CPQ: variants seen among roughly 807,000 people sequenced by gnomAD.
CPQ encodes Ser-Met dipeptidase.
A neutral mutation model predicts 45.7 loss-of-function variants in CPQ; 37 were observed. The ratio of observed to expected loss-of-function variants is 0.81; its 90% CI spans 0.62 to 1.07. CPQ has a LOEUF of 1.07. Ranked by LOEUF, CPQ falls within the 50% of genes least tolerant of loss-of-function variation. CPQ has a pLI of 0.00. For missense variants in CPQ, 537 were observed against 572.9 expected (o/e 0.94, Z 0.64); for synonymous variants, 186 against 205.8 (o/e 0.90, Z 0.82).
At chr8:96,779,162 T>A (rs1231497879) in intron 1 of CPQ, among the ~76,000 whole-genome samples, 2 of 152,148 alleles carry the variant, frequency 1.3e-5, no homozygotes, top group Non-Finnish European at 2.9e-5. Context: ...ACATATTTTT[T>A]AAATAGACTG....
chr8:97,042,353 G>C (rs1168402335), intron 6 of CPQ, among the ~76,000 whole-genome samples: 10 of 152,026 alleles, frequency 6.6e-5, no homozygotes, highest in Non-Finnish European at 1.5e-4. Context: ...ATTTTTTATT[G>C]TGTCTATTTG....
chr8:97,005,591 TC>T (rs2130431170), intron 5 of CPQ, among the ~76,000 whole-genome samples: 1 of 152,132 alleles, frequency 6.6e-6, no homozygotes, highest in Admixed American at 6.5e-5. Flanking sequence ...TGAATAGCCA[TC>T]AAAAACAACT....
intron 7 of CPQ, among the ~76,000 whole-genome samples, chr8:97,084,724 T>TTTAA (rs1390017237): frequency 6.6e-6 from 1 of 151,770 alleles, no homozygotes; most frequent in Non-Finnish European, 1.5e-5. Context: ...AACTAAGGAG[T>TTTAA]TTAATTTTGC....
chr8:97,130,739 G>A (rs1156597460), intron 7 of CPQ, among the ~76,000 whole-genome samples: 1 of 152,054 alleles, frequency 6.6e-6, no homozygotes, highest in East Asian at 1.9e-4. Context: ...TTTACTTTAA[G>A]TGAAATGTAT....
chr8:97,117,562 C>A (rs1219761122), intron 7 of CPQ, among the ~76,000 whole-genome samples: 1 of 151,990 alleles, frequency 6.6e-6, no homozygotes, highest in Admixed American at 6.6e-5. Flanking sequence ...GAGACAGGAT[C>A]TTGCCCTGTA....
At chr8:97,039,560 G>C (rs1481069277) in intron 6 of CPQ, among the ~76,000 whole-genome samples, 1 of 151,288 alleles carries the variant, frequency 6.6e-6, no homozygotes, top group Non-Finnish European at 1.5e-5. Context: ...GTACACATGT[G>C]CCATGCTGGT....
chr8:96,839,771 T>C (rs1811582621), intron 3 of CPQ, among the ~76,000 whole-genome samples: 2 of 152,104 alleles, frequency 1.3e-5, no homozygotes, highest in African/African-American at 2.4e-5. Context: ...TTATATTTAG[T>C]GCTAAGTGAA....
chr8:97,035,244 T>C (rs753038827), intron 6 of CPQ, among the ~76,000 whole-genome samples: 3 of 152,194 alleles, frequency 2.0e-5, no homozygotes, highest in Non-Finnish European at 2.9e-5. Flanking sequence ...CACAGTCTCT[T>C]TATTCTCCAG....
At chr8:96,741,992 C>T (rs1485985456) in intron 1 of CPQ, among the ~76,000 whole-genome samples, 92 of 143,822 alleles carry the variant, frequency 6.4e-4, no homozygotes, top group African/African-American at 2.1e-3. Context: ...CTATTAGGTC[C>T]GCTTGGTGCA....
chr8:97,048,051 G>A (rs185134129), intron 6 of CPQ, among the ~76,000 whole-genome samples: 14 of 152,226 alleles, frequency 9.2e-5, no homozygotes, highest in East Asian at 7.7e-4. Context: ...AACCATTCCC[G>A]AAACACCAAG....
intron 6 of CPQ, among the ~76,000 whole-genome samples, chr8:97,054,025 A>G (rs1190735225): frequency 6.6e-6 from 1 of 152,098 alleles, no homozygotes; most frequent in Non-Finnish European, 1.5e-5. Flanking sequence ...GGGGGAGATA[A>G]GGAGTATGGG....
intron 7 of CPQ, among the ~76,000 whole-genome samples, chr8:97,119,461 TG>T (rs1160648720): frequency 5.4e-5 from 8 of 147,854 alleles, no homozygotes; most frequent in South Asian, 2.1e-4. Context: ...AAAAAAATGG[TG>T]GGGGGGAATA....
intron 5 of CPQ, among the ~76,000 whole-genome samples, chr8:97,026,587 T>C (rs1809802448): frequency 6.6e-6 from 1 of 152,172 alleles, no homozygotes; most frequent in Non-Finnish European, 1.5e-5. Context: ...GGATTCAACA[T>C]TTGCTAACCC....
intron 6 of CPQ, among the ~76,000 whole-genome samples, chr8:97,058,444 A>C (rs939556038): frequency 3.9e-5 from 6 of 152,120 alleles, no homozygotes; most frequent in African/African-American, 1.4e-4. Flanking sequence ...AAAAACAAGA[A>C]ACACATCTTT....
intron 1 of CPQ, among the ~76,000 whole-genome samples, chr8:96,697,043 A>G (rs555302103): frequency 6.6e-6 from 1 of 152,200 alleles, no homozygotes; most frequent in Non-Finnish European, 1.5e-5. Context: ...CCTGATACAA[A>G]AACCAAACAA....
intron 7 of CPQ, among the ~76,000 whole-genome samples, chr8:97,068,353 C>T (rs1205313771): frequency 2.0e-5 from 3 of 152,016 alleles, no homozygotes. Context: ...AATAAGAGGC[C>T]GGGTGCAGTG....
chr8:96,757,275 T>C (rs1810338201), intron 1 of CPQ, among the ~76,000 whole-genome samples: 1 of 151,322 alleles, frequency 6.6e-6, no homozygotes, highest in African/African-American at 2.4e-5. Flanking sequence ...CACTTGAACC[T>C]GGGAGGCAGA....
At position 96,830,865 on chromosome 8, in the gene CPQ, G is replaced by A. The variant is rs370467395; in HGVS notation, c.434-4108G>A. ...ATTCCTCTTAAAATGAAAATGCCAA[G>A]CTTTTCTTTTGATATTTGTTACATT... On this transcript the variant is annotated intron_variant, in intron 2 of 7. Transcript: ENST00000220763. 4.7e-4 allele frequency among the ~76,000 whole-genome samples: 71 copies of A among 152,202 alleles called. 1 individual carries two copies. Among genetic ancestry groups the A allele is most frequent in the African/African-American group, 1.7e-3 (71 of 41,536 alleles).
intron 1 of CPQ, among the ~76,000 whole-genome samples, chr8:96,689,733 G>A (rs1445110091): frequency 6.6e-6 from 1 of 152,032 alleles, no homozygotes; most frequent in Non-Finnish European, 1.5e-5. Context: ...ACTTTTTGGG[G>A]ACACTAGTTG....
Sources: allele counts gnomAD v4.1 joint callset (sites outside exome capture counted in the v4.1 genomes callset), GRCh38; gene constraint gnomAD v4.1.1; transcripts MANE v1.5; gene names NCBI Gene and HGNC (gene_info 2026-07-23, HGNC 2026-07-21).